GMEB1: variants seen among roughly 807,000 people sequenced by gnomAD.
The protein encoded by GMEB1 is glucocorticoid modulatory element binding protein 1.
In GMEB1, 6 loss-of-function variants were observed where a neutral mutation model predicts 52.4. The ratio of observed to expected loss-of-function variants is 0.11; its 90% CI spans 0.06 to 0.23. The LOEUF is 0.23. GMEB1 is among the 10% of genes least tolerant of loss of function. GMEB1 has a pLI of 1.00. For synonymous variants in GMEB1, 255 were observed against 244.9 expected, an observed-to-expected ratio of 1.04 and a Z score of -0.38; for missense variants, 486 against 685.6, an observed-to-expected ratio of 0.71 and a Z score of 3.25.
intron 1 of GMEB1, among the ~76,000 whole-genome samples, chr1:28,672,448 C>T (rs555182609): frequency 1.2e-3 from 186 of 150,860 alleles, no homozygotes; most frequent in African/African-American, 4.5e-3. Flanking sequence ...TGATCTCCAT[C>T]TCCTGACCTC....
chr1:28,670,554 C>T (rs545528714), intron 1 of GMEB1, among the ~76,000 whole-genome samples: 5 of 152,128 alleles, frequency 3.3e-5, no homozygotes, highest in Non-Finnish European at 5.9e-5. Context: ...TCTCGAACTC[C>T]CAACCTCAGG....
intron 1 of GMEB1, among the ~76,000 whole-genome samples, chr1:28,679,998 G>A (rs1669324881): frequency 1.3e-5 from 2 of 152,000 alleles, no homozygotes; most frequent in Admixed American, 1.3e-4. Flanking sequence ...AGTAGAGATG[G>A]GGTTTCTCCA....
chr1:28,699,413 A>C (rs1670385295), intron 6 of GMEB1, among the ~76,000 whole-genome samples: 1 of 152,108 alleles, frequency 6.6e-6, no homozygotes, highest in Non-Finnish European at 1.5e-5. Context: ...TTAGGGACAT[A>C]CACTGTGCTT....
rs1046247085 is a variant in GMEB1 at position 28,718,247 on chromosome 1, G to C, written c.*3474G>C. 1 of 152,228 alleles carries C rather than the reference G, an allele frequency of 6.6e-6. No individual in the cohort carries two copies. The highest frequency in any genetic ancestry group is 1.5e-5 in the Non-Finnish European group (1 of 68,042). 9.4% of individuals were successfully genotyped at this position (152,228 alleles called of 1,614,324 possible). ...CTTTGTGCTAGGCACTGACAGTAGA[G>C]AGATGAAGACATAGTCCTTGCACTT... On this transcript the variant is annotated 3_prime_UTR_variant, in exon 10 of 10. Transcript: ENST00000373816.
At chr1:28,682,619 CAAA>C (rs59900537) in intron 1 of GMEB1, among the ~76,000 whole-genome samples, 8 of 53,618 alleles carry the variant, frequency 1.5e-4, no homozygotes, top group Admixed American at 4.4e-4. Flanking sequence ...GACCCTGTCT[CAAA>C]AAAAAAAAAA....
intron 1 of GMEB1, among the ~76,000 whole-genome samples, chr1:28,679,329 C>G (rs1052852150): frequency 6.6e-6 from 1 of 152,078 alleles, no homozygotes; most frequent in Non-Finnish European, 1.5e-5. Context: ...AGGCGCCCAC[C>G]AACACACTTT....
chr1:28,696,500 A>G (rs1056396701), intron 5 of GMEB1, among the ~76,000 whole-genome samples: 4 of 152,214 alleles, frequency 2.6e-5, no homozygotes, highest in African/African-American at 9.6e-5. Flanking sequence ...GCCAAATGAC[A>G]TTATAACATA....
At chr1:28,674,150 A>G (rs988565113) in intron 1 of GMEB1, among the ~76,000 whole-genome samples, 5 of 140,192 alleles carry the variant, frequency 3.6e-5, no homozygotes, top group Admixed American at 2.9e-4. Context: ...ACTCCGTCTG[A>G]AAAAAAAAAA....
At chr1:28,702,982 A>G (rs574081187) in intron 7 of GMEB1, among the ~76,000 whole-genome samples, 96 of 152,264 alleles carry the variant, frequency 6.3e-4, no homozygotes, top group African/African-American at 2.2e-3. Context: ...GCGCCACTGC[A>G]CTCCAGCCTG....
intron 1 of GMEB1, among the ~76,000 whole-genome samples, 151 bp downstream of exon 1, chr1:28,668,990 G>A (rs1668742564): frequency 7.0e-6 from 1 of 143,778 alleles, no homozygotes; most frequent in Non-Finnish European, 1.5e-5. Context: ...CGCCCTGTGC[G>A]TGCCGCCGCC....
At chr1:28,692,096 C>T (rs1020885985) in intron 4 of GMEB1, among the ~76,000 whole-genome samples, 1 of 151,558 alleles carries the variant, frequency 6.6e-6, no homozygotes, top group Admixed American at 6.6e-5. Context: ...CTGTAGCCTC[C>T]ACTTCCTGGG....
intron 6 of GMEB1, among the ~76,000 whole-genome samples, chr1:28,699,768 G>A (rs1413394271): frequency 3.3e-5 from 5 of 149,484 alleles, no homozygotes; most frequent in East Asian, 3.9e-4. Flanking sequence ...CTTGTCTTAC[G>A]GTGCTGAAAA....
At chr1:28,691,085 G>A (rs1317042620) in intron 3 of GMEB1, among the ~76,000 whole-genome samples, 1 of 152,088 alleles carries the variant, frequency 6.6e-6, no homozygotes, top group Non-Finnish European at 1.5e-5. Context: ...GAGGTCAGGG[G>A]TTCAAGACCA....
intron 4 of GMEB1, 95 bp downstream of exon 4, chr1:28,691,804 T>TTTTA (rs61127323): frequency 0.1 from 24,915 of 238,520 alleles, 2,060 homozygotes; most frequent in African/African-American, 0.16. Context: ...ACTATATCAG[T>TTTTA]TTTATTTATT....
chr1:28,668,289 T>C (rs1471529366), upstream of GMEB1, among the ~76,000 whole-genome samples: 3 of 146,620 alleles, frequency 2.0e-5, no homozygotes, highest in East Asian at 4.6e-4. Context: ...CAGGAAAAAC[T>C]TGGCAAACAG....
intron 2 of GMEB1, among the ~76,000 whole-genome samples, chr1:28,689,168 G>T (rs551170502): frequency 1.3e-5 from 2 of 152,074 alleles, no homozygotes; most frequent in East Asian, 3.9e-4. Flanking sequence ...GATTACAGGC[G>T]TGAGCCACCG....
intron 5 of GMEB1, among the ~76,000 whole-genome samples, chr1:28,696,467 A>G (rs1052535538): frequency 6.6e-6 from 1 of 152,134 alleles, no homozygotes; most frequent in African/African-American, 2.4e-5. Flanking sequence ...AAGAGTCAGG[A>G]TACTAAAAAA....
At chr1:28,688,208 G>A (rs1335222455) in intron 2 of GMEB1, among the ~76,000 whole-genome samples, 1 of 152,116 alleles carries the variant, frequency 6.6e-6, no homozygotes, top group African/African-American at 2.4e-5. Flanking sequence ...GCTTGAACCC[G>A]GGAGGCAGAG....
intron 8 of GMEB1, among the ~76,000 whole-genome samples, chr1:28,709,684 C>T (rs1670955184): frequency 6.6e-6 from 1 of 152,128 alleles, no homozygotes; most frequent in South Asian, 2.1e-4. Flanking sequence ...AAGTAATTCT[C>T]CTGCCTCAGC....
Sources: gnomAD v4.1 joint callset for allele counts (sites outside exome capture counted in the v4.1 genomes callset) on GRCh38, gnomAD v4.1.1 for gene constraint, MANE v1.5 for transcripts, NCBI Gene and HGNC (gene_info 2026-07-23, HGNC 2026-07-21) for gene names.